Variants in EXOSC7 observed in about 807,000 individuals in gnomAD.
The protein encoded by EXOSC7 is exosome complex component RRP42.
EXOSC7 carries 25 observed loss-of-function variants against 34.3 expected under a neutral mutation model. That is an observed-to-expected ratio of 0.73 (90% confidence interval 0.53 to 1.02). The LOEUF (loss-of-function observed/expected upper bound fraction) is 1.02, where lower values mean the gene tolerates loss of function less well. Ranked by LOEUF, EXOSC7 falls within the 50% of genes least tolerant of loss-of-function variation. EXOSC7 has a pLI of 0.00. For synonymous variants in EXOSC7, 130 were observed against 143.0 expected, an observed-to-expected ratio of 0.91 and a Z score of 0.65; for missense variants, 370 against 368.5, an observed-to-expected ratio of 1.00 and a Z score of -0.03.
At chr3:45,009,893 G>A (rs1707158714) in intron 7 of EXOSC7, among the ~76,000 whole-genome samples, 1 of 152,110 alleles carries the variant, frequency 6.6e-6, no homozygotes, top group Non-Finnish European at 1.5e-5. Flanking sequence ...TTTCATAGAG[G>A]TGATCACTTC....
chr3:45,001,410 T>C lies in EXOSC7; in HGVS notation c.421-128T>C, dbSNP rs544039178. The C allele has an allele frequency of 8.3e-6, 6 of 720,970 alleles. No homozygotes were observed. The African/African-American group carries it at 1.0e-4, about 13-fold the overall frequency. The allele number at this position is 720,970 out of a possible 1,614,324, so 44.7% of individuals were successfully genotyped here. ...GTTAGCCAAGATTGCACCACTGCACTCCAGCCTGAGTGACAGAGCGAGACT... is the reference window on the plus strand; with the variant it reads ...GTTAGCCAAGATTGCACCACTGCACCCCAGCCTGAGTGACAGAGCGAGACT... On this transcript the variant is annotated intron_variant, in intron 4 of 7. Transcript: ENST00000265564.
At chr3:44,999,390 A>G (rs1190880398) in intron 4 of EXOSC7, among the ~76,000 whole-genome samples, 1 of 152,176 alleles carries the variant, frequency 6.6e-6, no homozygotes. Context: ...TGAGCTTTTA[A>G]AATGTTGTCA....
intron 4 of EXOSC7, among the ~76,000 whole-genome samples, chr3:44,999,956 T>C (rs1706829564): frequency 6.6e-6 from 1 of 152,224 alleles, no homozygotes; most frequent in South Asian, 2.1e-4. Flanking sequence ...ACAGAGCCCA[T>C]GTTCAAACAG....
intron 5 of EXOSC7, 53 bp from the exon 6 acceptor site, chr3:45,005,238 G>T: frequency 1.2e-6 from 2 of 1,606,112 alleles, no homozygotes; most frequent in Non-Finnish European, 1.7e-6. Flanking sequence ...ATCTTAAAAA[G>T]AAGTTATTTT....
intron 6 of EXOSC7, among the ~76,000 whole-genome samples, chr3:45,006,274 C>A (rs1253708192): frequency 6.6e-6 from 1 of 151,114 alleles, no homozygotes; most frequent in South Asian, 2.1e-4. Context: ...GACGGTGTTT[C>A]ACCATGTTGG....
intron 3 of EXOSC7, among the ~76,000 whole-genome samples, chr3:44,994,859 GTGTGT>G (rs1559746603): frequency 5.6e-3 from 42 of 7,478 alleles, no homozygotes; most frequent in African/African-American, 2.9e-3. Flanking sequence ...AAGAATGGGT[GTGTGT>G]GTGTGTGTGT....
chr3:45,001,176 G>A (rs752438112), intron 4 of EXOSC7, among the ~76,000 whole-genome samples: 4 of 152,108 alleles, frequency 2.6e-5, no homozygotes, highest in African/African-American at 4.8e-5. Flanking sequence ...TGTCCTGGCC[G>A]GGCGTGGTGG....
intron 3 of EXOSC7, among the ~76,000 whole-genome samples, chr3:44,995,165 T>C (rs925736561): frequency 6.6e-6 from 1 of 152,118 alleles, no homozygotes; most frequent in African/African-American, 2.4e-5. Flanking sequence ...GTATTATTAG[T>C]AGAGACGGGG....
At chr3:44,989,311 G>A (rs1013253404) in intron 2 of EXOSC7, 70 bp downstream of exon 2, 21 of 1,203,516 alleles carry the variant, frequency 1.7e-5, no homozygotes, top group East Asian at 7.1e-5. Context: ...AGCTGCTGAC[G>A]CTGTCTGGCT....
rs150001306 is a variant in EXOSC7 at position 44,997,217 on chromosome 3, C to T, written c.385C>T (p.Arg129Trp). The stretch of plus-strand genomic sequence containing the variant: ...CTTAAAGACCCTCTGCATTAGTCCT[C>T]GGGAGCACTGCTGGGTTCTCTATGT... ...VDLKTLCISP[R>W]EHCWVLYVDV... The change falls in exon 4 of 8, where the codon CGG (arginine) becomes TGG (tryptophan). Residue 129 changes from arginine to tryptophan, a missense_variant. Arg to Trp is a moderately radical substitution (Grantham distance 101). This residue lies in a region of EXOSC7 where 255 missense variants were observed against 246.4 expected (regional missense o/e 1.03). Coordinates refer to ENST00000265564, the MANE Select transcript of EXOSC7 (RefSeq NM_015004.4). 3.6e-5 allele frequency: 58 copies of T among 1,613,758 alleles called. No homozygotes were observed. The highest frequency in any genetic ancestry group is 4.4e-5 in the Non-Finnish European group (52 of 1,179,954).
chr3:44,977,119 C>G (rs776728353), intron 1 of EXOSC7: 10 of 152,220 alleles, frequency 6.6e-5, no homozygotes, highest in Non-Finnish European at 1.3e-4. Flanking sequence ...GCAGCTATAA[C>G]CTAATGTCCT....
intron 4 of EXOSC7, among the ~76,000 whole-genome samples, chr3:44,999,961 A>C (rs1428779176): frequency 6.6e-6 from 1 of 152,174 alleles, no homozygotes; most frequent in Admixed American, 6.5e-5. Flanking sequence ...GCCCATGTTC[A>C]AACAGATATT....
chr3:44,979,394 C>T lies in EXOSC7; in HGVS notation c.57+3060C>T, dbSNP rs572629594. 6.6e-5 allele frequency among the ~76,000 whole-genome samples: 10 copies of T among 152,360 alleles called. No homozygotes were observed. The South Asian group carries it at 2.1e-3, about 32-fold the overall frequency. ...ATTTCAGCTTCTGATGTCACTTTCC[C>T]TTCAGCCTTTGGTTCTTTTACTATT... is the stretch of plus-strand genomic sequence containing the variant. On this transcript the variant is annotated intron_variant, in intron 1 of 7. Coordinates refer to ENST00000265564, the MANE Select transcript of EXOSC7 (RefSeq NM_015004.4).
intron 7 of EXOSC7, among the ~76,000 whole-genome samples, chr3:45,007,822 C>A (rs2280384): frequency 2.0e-5 from 3 of 151,968 alleles, no homozygotes; most frequent in African/African-American, 7.2e-5. Flanking sequence ...AAGTACCCCC[C>A]ATCTCATTTC....
rs557231387 is a variant in EXOSC7, at chr3:45,011,245, G to A, written c.782G>A (p.Arg261His). Residue 261 changes from arginine to histidine, a missense_variant, in exon 8 of 8, where the codon CGT (arginine) becomes CAT (histidine). Physicochemically the swap from Arg to His is conservative, Grantham distance 29. Around this residue, in one of 3 missense-constraint regions of EXOSC7, gnomAD observed 255 missense variants for 246.4 expected, o/e 1.03. Transcript: ENST00000265564. ...SIFEMMETGK[R>H]VGKVLHASLQ... ...GTCCCTTCTCCACAGACTGGCAAGC[G>A]TGTGGGCAAGGTACTGCATGCCTCC... 249 of 1,609,664 alleles carry A rather than the reference G, an allele frequency of 1.5e-4. 3 individuals are homozygous for A. In the South Asian group the frequency reaches 2.4e-3, roughly 15 times the overall value.
intron 1 of EXOSC7, among the ~76,000 whole-genome samples, chr3:44,976,725 C>T (rs966569074): frequency 6.6e-6 from 1 of 152,132 alleles, no homozygotes; most frequent in Non-Finnish European, 1.5e-5. Flanking sequence ...TTTTCCTCAC[C>T]TCGTGGTTAG....
At position 45,006,729 on chromosome 3, in the gene EXOSC7, G is replaced by T. The variant is rs535429943; in HGVS notation, c.616-691G>T. On this transcript the variant is annotated intron_variant, in intron 6 of 7. Coordinates refer to ENST00000265564, the MANE Select transcript of EXOSC7 (RefSeq NM_015004.4). ...CCGCGCCCGGCCTTGTTTTGAGACAGTGTTGCTCTGTTGCCCAGGCTGGAG... is the reference window on the plus strand; with the variant it reads ...CCGCGCCCGGCCTTGTTTTGAGACATTGTTGCTCTGTTGCCCAGGCTGGAG... Among the ~76,000 whole-genome samples the T allele has an allele frequency of 2.0e-5, 3 of 152,186 alleles. No homozygotes were observed. In the South Asian group the frequency reaches 6.2e-4, roughly 32 times the overall value.
chr3:45,007,285 A>C, intron 6 of EXOSC7, 135 bp from the exon 7 acceptor site: 1 of 864,464 alleles, frequency 1.2e-6, no homozygotes, highest in South Asian at 1.8e-5. Context: ...CCTCGTGAGC[A>C]GAATCTAAAA....
chr3:45,007,650 C>G, intron 7 of EXOSC7, 75 bp downstream of exon 7: 1 of 1,423,554 alleles, frequency 7.0e-7, no homozygotes, highest in Non-Finnish European at 9.4e-7. Context: ...TTGGTCATAC[C>G]GTGGGGATTC....
Sources: gnomAD v4.1 joint callset for allele counts (sites outside exome capture counted in the v4.1 genomes callset) on GRCh38, gnomAD v4.1.1 for gene constraint, gnomAD v4.1.1 regional missense constraint, MANE v1.5 for transcripts, NCBI Gene and HGNC (gene_info 2026-07-23, HGNC 2026-07-21) for gene names.